The following AGBL4 variants were observed in gnomAD, a reference collection of about 807,000 sequenced individuals.
AGBL4 encodes cytosolic carboxypeptidase 6.
Under a neutral mutation model 66.4 loss-of-function variants are expected in AGBL4, and 58 were observed. The ratio of observed to expected loss-of-function variants is 0.87; its 90% CI spans 0.71 to 1.09. The LOEUF is 1.09. AGBL4 is among the 50% of genes least tolerant of loss of function. AGBL4 has a pLI of 0.00. For missense variants in AGBL4, 579 were observed against 631.0 expected, an observed-to-expected ratio of 0.92 and a Z score of 0.88; for synonymous variants, 234 against 222.9, an observed-to-expected ratio of 1.05 and a Z score of -0.44.
chr1:49,456,217 G>C (rs1474183494), intron 3 of AGBL4, among the ~76,000 whole-genome samples: 1 of 151,708 alleles, frequency 6.6e-6, no homozygotes, highest in Non-Finnish European at 1.5e-5. Flanking sequence ...TGAAACTCAG[G>C]CTAGGGATAC....
At chr1:48,911,028 G>T (rs929488138) in intron 5 of AGBL4, among the ~76,000 whole-genome samples, 2 of 152,248 alleles carry the variant, frequency 1.3e-5, no homozygotes, top group South Asian at 4.1e-4. Flanking sequence ...GGACAGAACT[G>T]GTTTTTTGAT....
rs939560925 is a variant in AGBL4 at position 48,708,483 on chromosome 1, G to A, written c.635-45242C>T. Among the ~76,000 whole-genome samples, 3 of 152,304 alleles carry A rather than the reference G, an allele frequency of 2.0e-5. 1 individual carries two copies. The South Asian group carries it at 6.2e-4, about 32-fold the overall frequency. On this transcript the variant is annotated intron_variant, in intron 6 of 13. Transcript: ENST00000371839. ...GCATATTCAAGGGCCCAGAGGCACA[G>A]TGAGAAGGACAGTGGGATGACAGGG...
At chr1:49,371,248 GATAC>G (rs760739499) in intron 3 of AGBL4, among the ~76,000 whole-genome samples, 16,954 of 137,408 alleles carry the variant, frequency 0.12, 1,094 homozygotes, top group East Asian at 0.28. Flanking sequence ...TAGATAGATA[GATAC>G]ATACATACAT....
At chr1:49,637,165 T>C (rs989300263) in intron 3 of AGBL4, among the ~76,000 whole-genome samples, 2 of 152,200 alleles carry the variant, frequency 1.3e-5, no homozygotes, top group African/African-American at 4.8e-5. Context: ...AGACAGCCTA[T>C]TGTGGGATGT....
intron 1 of AGBL4, among the ~76,000 whole-genome samples, chr1:49,950,868 G>A (rs1260774638): frequency 2.0e-5 from 3 of 151,812 alleles, no homozygotes; most frequent in Non-Finnish European, 4.4e-5. Context: ...AAAAGAAAAT[G>A]CGAAAATGTA....
intron 4 of AGBL4, among the ~76,000 whole-genome samples, chr1:49,177,198 C>T (rs531784650): frequency 1.3e-4 from 20 of 152,220 alleles, no homozygotes; most frequent in Non-Finnish European, 1.8e-4. Flanking sequence ...GTCATTTTGC[C>T]TCATAATCTA....
chr1:48,881,260 A>AT (rs961179082), intron 5 of AGBL4, among the ~76,000 whole-genome samples: 3 of 152,022 alleles, frequency 2.0e-5, no homozygotes, highest in South Asian at 2.1e-4. Flanking sequence ...TACAACTGAA[A>AT]TTTTTTTTGT....
At chr1:48,538,943 C>T (rs1322550673) in intron 12 of AGBL4, among the ~76,000 whole-genome samples, 1 of 152,108 alleles carries the variant, frequency 6.6e-6, no homozygotes, top group African/African-American at 2.4e-5. Context: ...AGGGCCAGCA[C>T]ATTCCAGATG....
rs201495898 is a variant in AGBL4 at position 49,773,203 on chromosome 1, T to C, written c.158-75766A>G. Among the ~76,000 whole-genome samples the C allele has an allele frequency of 5.3e-5, 8 of 152,328 alleles. No homozygotes were observed. In the East Asian group the frequency reaches 1.4e-3, roughly 26 times the overall value. On this transcript the variant is annotated intron_variant, in intron 2 of 13. Coordinates refer to ENST00000371839, the MANE Select transcript of AGBL4 (RefSeq NM_032785.4). ...TTGGCTCTTTTTTATGATACCTCTT[T>C]GTTTGAATTTCTCATTCAGATCATG...
At chr1:49,494,431 G>A (rs547504831) in intron 3 of AGBL4, among the ~76,000 whole-genome samples, 6 of 151,374 alleles carry the variant, frequency 4.0e-5, no homozygotes, top group South Asian at 2.1e-4. Flanking sequence ...CCCTCTCCCC[G>A]CACCCCACAA....
At chr1:48,537,815 C>T (rs141659031) in intron 12 of AGBL4, among the ~76,000 whole-genome samples, 31 of 152,282 alleles carry the variant, frequency 2.0e-4, no homozygotes, top group Admixed American at 9.2e-4. Context: ...AAGCTTTAAA[C>T]GTTTAAGAAC....
At chr1:48,739,201 C>T (rs1169747985) in intron 6 of AGBL4, among the ~76,000 whole-genome samples, 2 of 152,206 alleles carry the variant, frequency 1.3e-5, no homozygotes, top group Non-Finnish European at 2.9e-5. Context: ...AAACAGCCAC[C>T]GACTGGCCTT....
chr1:49,295,766 C>T (rs574452337), intron 3 of AGBL4, among the ~76,000 whole-genome samples: 1 of 152,230 alleles, frequency 6.6e-6, no homozygotes, highest in East Asian at 1.9e-4. Context: ...GGGTAGGCCT[C>T]ACTCCCCAGG....
intron 3 of AGBL4, among the ~76,000 whole-genome samples, chr1:49,263,889 C>T (rs138728690): frequency 5.3e-5 from 8 of 152,098 alleles, no homozygotes; most frequent in South Asian, 2.1e-4. Context: ...TAACTAAAAC[C>T]GCTTAATTTA....
chr1:49,879,757 T>C (rs1056269164), intron 1 of AGBL4, among the ~76,000 whole-genome samples: 8 of 48,514 alleles, frequency 1.6e-4, no homozygotes, highest in Non-Finnish European at 2.9e-4. Flanking sequence ...GCAGAGTGTT[T>C]TCCAACTTGG....
At chr1:49,690,751 A>C (rs974138141) in intron 3 of AGBL4, among the ~76,000 whole-genome samples, 2 of 152,208 alleles carry the variant, frequency 1.3e-5, no homozygotes, top group Non-Finnish European at 2.9e-5. Context: ...TATTAGTATT[A>C]GAAGTATAGT....
At chr1:49,930,543 C>A (rs573624087) in intron 1 of AGBL4, among the ~76,000 whole-genome samples, 1 of 152,146 alleles carries the variant, frequency 6.6e-6, no homozygotes, top group South Asian at 2.1e-4. Context: ...AAACTTTTCA[C>A]AAATCAAATC....
intron 5 of AGBL4, among the ~76,000 whole-genome samples, chr1:48,902,368 A>T (rs1652168569): frequency 6.6e-6 from 1 of 152,214 alleles, no homozygotes; most frequent in African/African-American, 2.4e-5. Flanking sequence ...GGCACAAGTG[A>T]GTTTACAATG....
At chr1:48,777,007 G>C (rs1036514544) in intron 6 of AGBL4, 2 of 321,626 alleles carry the variant, frequency 6.2e-6, no homozygotes, top group Non-Finnish European at 1.1e-5. Context: ...TCTGCCAATC[G>C]GCTGCTTTCG....
Sources: allele counts gnomAD v4.1 joint callset (sites outside exome capture counted in the v4.1 genomes callset), GRCh38; gene constraint gnomAD v4.1.1; transcripts MANE v1.5; gene names NCBI Gene and HGNC (gene_info 2026-07-23, HGNC 2026-07-21).